Variants in RASSF8 observed in about 807,000 individuals in gnomAD.
The protein encoded by RASSF8 is Ras association domain family member 8.
In RASSF8, 22 loss-of-function variants were observed where a neutral mutation model predicts 48.5. That is an observed-to-expected ratio of 0.45 (90% CI 0.32 to 0.65). The LOEUF (loss-of-function observed/expected upper bound fraction) is 0.65, where lower values mean the gene tolerates loss of function less well. Ranked by LOEUF, RASSF8 falls within the 30% of genes least tolerant of loss-of-function variation. The pLI, the probability that RASSF8 is intolerant of heterozygous loss-of-function variation, is 0.03. For missense variants in RASSF8, 418 were observed against 489.2 expected, an observed-to-expected ratio of 0.85 and a Z score of 1.37; for synonymous variants, 127 against 171.5, an observed-to-expected ratio of 0.74 and a Z score of 2.03.
chr12:26,077,323 T>C (rs2137357444), downstream of RASSF8, among the ~76,000 whole-genome samples: 1 of 152,342 alleles, frequency 6.6e-6, no homozygotes, highest in African/African-American at 2.4e-5. Flanking sequence ...ATTTTAGTCA[T>C]GAACTCCTTG....
intron 1 of RASSF8, among the ~76,000 whole-genome samples, chr12:25,980,802 T>A (rs1251195273): frequency 2.0e-5 from 3 of 152,204 alleles, no homozygotes. Flanking sequence ...AAAAAATTCA[T>A]GGAATGAGAT....
Position 25,995,704 on chromosome 12 carries a change from A to G in RASSF8, c.-109+574A>G, listed in dbSNP as rs1340538981. 1.3e-5 allele frequency among the ~76,000 whole-genome samples: 2 copies of G among 152,160 alleles called. 1 individual carries two copies. The highest frequency in any genetic ancestry group is 4.8e-5 in the African/African-American group (2 of 41,446). On this transcript the variant is annotated intron_variant, in intron 2 of 5. Transcript: ENST00000689635. ...AGGTAAGGATATTCAACTAAATTAC[A>G]TCTCAGTTTTAGTATGCTTGCTGTA...
At chr12:26,048,242 C>T (rs1240021018) in intron 2 of RASSF8, among the ~76,000 whole-genome samples, 4 of 152,212 alleles carry the variant, frequency 2.6e-5, no homozygotes, top group Non-Finnish European at 5.9e-5. Context: ...TAACCTTTTA[C>T]ATGCCTGGAG....
chr12:26,048,910 T>C (rs1313344524), intron 2 of RASSF8, among the ~76,000 whole-genome samples: 1 of 152,012 alleles, frequency 6.6e-6, no homozygotes, highest in Non-Finnish European at 1.5e-5. Flanking sequence ...CCCACCACCA[T>C]ACCCAGCTAA....
At chr12:26,037,656 A>G (rs1274254013) in intron 2 of RASSF8, among the ~76,000 whole-genome samples, 1 of 152,240 alleles carries the variant, frequency 6.6e-6, no homozygotes, top group Admixed American at 6.5e-5. Context: ...CAGTGAATTC[A>G]GGTAGTTATT....
chr12:25,990,194 A>G (rs73077138), intron 1 of RASSF8, among the ~76,000 whole-genome samples: 15,069 of 152,232 alleles, frequency 0.099, 794 homozygotes, highest in Middle Eastern at 0.14. Context: ...AAAGTAAAAA[A>G]AATTACAGCC....
At chr12:26,066,502 G>T (rs906314091) in intron 4 of RASSF8, among the ~76,000 whole-genome samples, 1 of 152,076 alleles carries the variant, frequency 6.6e-6, no homozygotes, top group Admixed American at 6.5e-5. Flanking sequence ...TGAAAATCAA[G>T]AATTTCTCAT....
At chr12:25,989,590 C>T (rs1432641684) in intron 1 of RASSF8, among the ~76,000 whole-genome samples, 1 of 151,934 alleles carries the variant, frequency 6.6e-6, no homozygotes, top group Non-Finnish European at 1.5e-5. Flanking sequence ...AATTCATTTT[C>T]CAAACTGGTT....
intron 1 of RASSF8, among the ~76,000 whole-genome samples, chr12:25,977,972 G>A (rs1241320130): frequency 6.6e-6 from 1 of 152,126 alleles, no homozygotes; most frequent in African/African-American, 2.4e-5. Context: ...GGGGCATAGG[G>A]CTTGTGACAC....
chr12:26,024,262 A>G (rs566507977), intron 2 of RASSF8, among the ~76,000 whole-genome samples: 9 of 152,248 alleles, frequency 5.9e-5, no homozygotes, highest in African/African-American at 2.2e-4. Context: ...CAGCCTCCCC[A>G]AATGCTAGGA....
intron 2 of RASSF8, among the ~76,000 whole-genome samples, chr12:26,038,096 G>C (rs1286963363): frequency 1.3e-5 from 2 of 152,156 alleles, no homozygotes; most frequent in Admixed American, 1.3e-4. Flanking sequence ...AACTTCTGGA[G>C]TCAACACACA....
intron 2 of RASSF8, among the ~76,000 whole-genome samples, chr12:26,003,803 C>T (rs911441809): frequency 4.0e-5 from 6 of 151,808 alleles, no homozygotes; most frequent in African/African-American, 1.5e-4. Context: ...TAAGGTTGAC[C>T]TGATGTCTAT....
At chr12:26,000,152 C>T (rs1263621695) in intron 2 of RASSF8, among the ~76,000 whole-genome samples, 2 of 152,016 alleles carry the variant, frequency 1.3e-5, no homozygotes, top group African/African-American at 4.8e-5. Flanking sequence ...TAATGCTAGA[C>T]ATTAATTTGA....
chr12:26,014,868 T>C (rs1313497581), intron 2 of RASSF8, among the ~76,000 whole-genome samples: 3 of 152,110 alleles, frequency 2.0e-5, no homozygotes, highest in African/African-American at 4.8e-5. Flanking sequence ...CTTTTTCCTT[T>C]GAGACCTTAC....
At chr12:26,044,900 T>G (rs199877370) in intron 2 of RASSF8, among the ~76,000 whole-genome samples, 1 of 140,096 alleles carries the variant, frequency 7.1e-6, no homozygotes, top group South Asian at 3.0e-4. Flanking sequence ...AAGAATAAAG[T>G]ATAGCTGTTT....
At chr12:26,058,923 G>C (rs1308918765) in intron 3 of RASSF8, among the ~76,000 whole-genome samples, 1 of 152,216 alleles carries the variant, frequency 6.6e-6, no homozygotes, top group Non-Finnish European at 1.5e-5. Context: ...TTGGCATGAA[G>C]TGGTTCAACT....
chr12:26,052,369 T>C (rs1250514051), intron 2 of RASSF8, among the ~76,000 whole-genome samples: 3 of 152,216 alleles, frequency 2.0e-5, no homozygotes, highest in Non-Finnish European at 4.4e-5. Flanking sequence ...TGGTAGCATG[T>C]TAGTGAATAA....
At chr12:26,061,347 C>G (rs1001665227) in intron 3 of RASSF8, among the ~76,000 whole-genome samples, 1 of 152,090 alleles carries the variant, frequency 6.6e-6, no homozygotes, top group African/African-American at 2.4e-5. Context: ...TTATGTCAAT[C>G]AGTCATTCAA....
intron 2 of RASSF8, among the ~76,000 whole-genome samples, chr12:26,011,981 CAT>C (rs772301297): frequency 5.3e-5 from 8 of 152,132 alleles, no homozygotes; most frequent in Non-Finnish European, 8.8e-5. Context: ...ATATGTATAA[CAT>C]ATAATAACAT....
Sources: allele counts gnomAD v4.1 joint callset (sites outside exome capture counted in the v4.1 genomes callset), GRCh38; gene constraint gnomAD v4.1.1; transcripts MANE v1.5; gene names NCBI Gene and HGNC (gene_info 2026-07-23, HGNC 2026-07-21).